Variants in TIMD4 observed in about 807,000 individuals in gnomAD.
TIMD4 encodes the protein T-cell immunoglobulin and mucin domain-containing protein 4.
A neutral mutation model predicts 41.2 loss-of-function variants in TIMD4; 31 were observed. The ratio of observed to expected loss-of-function variants is 0.75; its 90% confidence interval spans 0.57 to 1.01. The LOEUF (loss-of-function observed/expected upper bound fraction) is 1.01. Among genes scored for constraint, TIMD4 ranks in the 50% least tolerant of loss-of-function variants. The pLI, the probability that TIMD4 is intolerant of heterozygous loss-of-function variation, is 0.00. For synonymous variants in TIMD4, 204 were observed against 177.1 expected (o/e 1.15, Z -1.21); for missense variants, 479 against 472.5 (o/e 1.01, Z -0.13).
At chr5:156,937,139 C>A (rs1313411117) in intron 5 of TIMD4, among the ~76,000 whole-genome samples, 1 of 152,040 alleles carries the variant, frequency 6.6e-6, no homozygotes, top group Non-Finnish European at 1.5e-5. Context: ...TAAACTTGGG[C>A]AGACTTATTG....
At chr5:156,954,905 T>C (rs992037325) in intron 1 of TIMD4, 149 bp from the exon 2 acceptor site, 78 of 725,880 alleles carry the variant, frequency 1.1e-4, no homozygotes, top group South Asian at 6.0e-4. Flanking sequence ...TGATACAGGG[T>C]CTTGCTTTGT....
At chr5:156,924,620 C>T in intron 6 of TIMD4, 1 of 223,412 alleles carries the variant, frequency 4.5e-6, no homozygotes, top group Non-Finnish European at 9.4e-6. Context: ...TATTATATGA[C>T]CAGGGTTTAT....
intron 5 of TIMD4, among the ~76,000 whole-genome samples, chr5:156,937,416 G>C (rs1759560597): frequency 6.6e-6 from 1 of 152,132 alleles, no homozygotes; most frequent in African/African-American, 2.4e-5. Context: ...ACACACTGAG[G>C]TTTACTCTTT....
intron 1 of TIMD4, among the ~76,000 whole-genome samples, chr5:156,961,330 T>C (rs1483961126): frequency 6.6e-6 from 1 of 152,114 alleles, no homozygotes; most frequent in Non-Finnish European, 1.5e-5. Flanking sequence ...GGTGATTCCT[T>C]AAAAAACTAA....
At chr5:156,936,992 G>GT (rs1256775438) in intron 5 of TIMD4, among the ~76,000 whole-genome samples, 68 of 151,060 alleles carry the variant, frequency 4.5e-4, no homozygotes, top group African/African-American at 1.6e-3. Flanking sequence ...GATGGGTACA[G>GT]TTTTTGGAAA....
At chr5:156,957,529 AAAG>A (rs1247672779) in intron 1 of TIMD4, among the ~76,000 whole-genome samples, 2 of 151,700 alleles carry the variant, frequency 1.3e-5, no homozygotes, top group Admixed American at 6.6e-5. Flanking sequence ...AAAAAAGAAA[AAAG>A]AAAAAGAAAA....
chr5:156,951,406 G>T, intron 3 of TIMD4, 106 bp downstream of exon 3: 1 of 1,386,252 alleles, frequency 7.2e-7, no homozygotes, highest in Non-Finnish European at 9.9e-7. Flanking sequence ...ATATACGCAT[G>T]TGTACACGCA....
chr5:156,957,520 A>AAAAAAAAG (rs1191482853), intron 1 of TIMD4, among the ~76,000 whole-genome samples: 2 of 149,312 alleles, frequency 1.3e-5, no homozygotes, highest in African/African-American at 5.1e-5. Context: ...CTCAAAAAAA[A>AAAAAAAAG]AAAAGAAAAA....
At chr5:156,924,039 G>C (rs904516129) in intron 6 of TIMD4, 2 of 184,882 alleles carry the variant, frequency 1.1e-5, no homozygotes, top group African/African-American at 4.8e-5. Flanking sequence ...TAGAGACAGG[G>C]GTCTCGCCCT....
chr5:156,920,199 A>G (rs1202503260), intron 8 of TIMD4, among the ~76,000 whole-genome samples: 5 of 152,234 alleles, frequency 3.3e-5, no homozygotes, highest in African/African-American at 1.2e-4. Context: ...TTCAGAGTAA[A>G]GTGCCATATC....
chr5:156,924,163 C>A, intron 6 of TIMD4: 3 of 429,024 alleles, frequency 7.0e-6, no homozygotes, highest in South Asian at 3.8e-5. Context: ...CCAGCCTGAG[C>A]CTACTCACCT....
chr5:156,948,412 C>G lies in TIMD4; in HGVS notation c.844+4G>C. On this transcript the variant is annotated splice_donor_region_variant and intron_variant, in intron 5 of 8. Transcript: ENST00000274532. Reference sequence around the variant, plus strand: ...TAAAATAAAAAAAATCACAGCCCCCCTACCTCCAGGCTGAGGAGAAGACAC... The same window carrying G: ...TAAAATAAAAAAAATCACAGCCCCCGTACCTCCAGGCTGAGGAGAAGACAC... The G allele has an allele frequency of 7.1e-7, 1 of 1,400,568 alleles. No homozygotes were observed. The highest frequency in any genetic ancestry group is 9.3e-7 in the Non-Finnish European group (1 of 1,074,664). 86.8% of individuals were successfully genotyped at this position (1,400,568 alleles called of 1,614,324 possible). A position where few individuals can be genotyped will look rare whatever the true frequency, so the allele number is the denominator to read the frequency against.
At chr5:156,962,795 G>C (rs937645646) in intron 1 of TIMD4, among the ~76,000 whole-genome samples, 1 of 152,146 alleles carries the variant, frequency 6.6e-6, no homozygotes, top group Non-Finnish European at 1.5e-5. Context: ...ATTCTCACCA[G>C]AACAAATTCT....
At chr5:156,925,051 G>A (rs1190821052) in intron 6 of TIMD4, among the ~76,000 whole-genome samples, 2 of 152,222 alleles carry the variant, frequency 1.3e-5, no homozygotes, top group Non-Finnish European at 2.9e-5. Flanking sequence ...GCTCACGCCT[G>A]TAATCCTGGC....
At chr5:156,923,793 G>A (rs1759296841) in intron 6 of TIMD4, among the ~76,000 whole-genome samples, 1 of 151,394 alleles carries the variant, frequency 6.6e-6, no homozygotes, top group African/African-American at 2.4e-5. Context: ...CAATCCTCCT[G>A]CCTCGGCTTC....
intron 5 of TIMD4, among the ~76,000 whole-genome samples, chr5:156,943,649 G>C (rs1759685999): frequency 6.6e-6 from 1 of 152,188 alleles, no homozygotes; most frequent in African/African-American, 2.4e-5. Flanking sequence ...AAATGGCATA[G>C]TTATGTAGCT....
intron 4 of TIMD4, among the ~76,000 whole-genome samples, chr5:156,949,056 G>A (rs555571249): frequency 6.5e-4 from 99 of 152,262 alleles, no homozygotes; most frequent in Middle Eastern, 6.8e-3. Context: ...CAGCAAAAAG[G>A]AATAGAACTG....
chr5:156,959,051 C>A (rs1177772243), intron 1 of TIMD4, among the ~76,000 whole-genome samples: 1 of 152,174 alleles, frequency 6.6e-6, no homozygotes, highest in Admixed American at 6.5e-5. Context: ...GGATAGACAC[C>A]AAACTCATTG....
chr5:156,930,577 G>C (rs112933821), intron 5 of TIMD4, among the ~76,000 whole-genome samples: 3 of 152,182 alleles, frequency 2.0e-5, no homozygotes, highest in African/African-American at 7.2e-5. Context: ...AAGAGGGCTC[G>C]GTACTCACCA....
Sources: allele counts gnomAD v4.1 joint callset (sites outside exome capture counted in the v4.1 genomes callset), GRCh38; gene constraint gnomAD v4.1.1; transcripts MANE v1.5; gene names NCBI Gene and HGNC (gene_info 2026-07-23, HGNC 2026-07-21).